CADM2: variants seen among roughly 807,000 people sequenced by gnomAD.
CADM2 encodes the protein cell adhesion molecule 2.
Under a neutral mutation model 49.8 loss-of-function variants are expected in CADM2, and 12 were observed. The observed-to-expected ratio is 0.24, with a 90% confidence interval of 0.15 to 0.39. The LOEUF (loss-of-function observed/expected upper bound fraction) is 0.39, where lower values mean the gene tolerates loss of function less well. Ranked by LOEUF, CADM2 falls within the 10% of genes least tolerant of loss-of-function variation. CADM2 has a pLI of 1.00. For missense variants in CADM2, 378 were observed against 492.3 expected (o/e 0.77, Z 2.20); for synonymous variants, 214 against 175.4 (o/e 1.22, Z -1.74).
chr3:85,368,684 A>G (rs538281878), intron 1 of CADM2, among the ~76,000 whole-genome samples: 1 of 152,174 alleles, frequency 6.6e-6, no homozygotes, highest in Admixed American at 6.5e-5. Flanking sequence ...AAATTACTGT[A>G]TGTCTCTCTT....
At chr3:85,998,152 G>A (rs909289980) in intron 8 of CADM2, among the ~76,000 whole-genome samples, 1 of 152,212 alleles carries the variant, frequency 6.6e-6, no homozygotes, top group Non-Finnish European at 1.5e-5. Context: ...TGGGGTAGCA[G>A]GGTTGGGGGT....
intron 1 of CADM2, among the ~76,000 whole-genome samples, chr3:85,020,950 C>G (rs1281598617): frequency 6.6e-6 from 1 of 151,612 alleles, no homozygotes; most frequent in African/African-American, 2.4e-5. Flanking sequence ...AATTTTTTCT[C>G]TTTAGAAACG....
intron 1 of CADM2, among the ~76,000 whole-genome samples, chr3:85,432,751 TTGTAA>T (rs2036739781): frequency 6.6e-6 from 1 of 152,168 alleles, no homozygotes; most frequent in Non-Finnish European, 1.5e-5. Flanking sequence ...CATTACATTC[TTGTAA>T]TGTACATTCT....
At chr3:85,028,218 A>G (rs1218363450) in intron 1 of CADM2, among the ~76,000 whole-genome samples, 1 of 152,178 alleles carries the variant, frequency 6.6e-6, no homozygotes, top group African/African-American at 2.4e-5. Flanking sequence ...TCATAGCTAC[A>G]CAATTGACAT....
intron 6 of CADM2, among the ~76,000 whole-genome samples, chr3:85,913,499 C>T (rs141505288): frequency 4.6e-5 from 7 of 152,176 alleles, no homozygotes; most frequent in African/African-American, 1.7e-4. Flanking sequence ...AAGTACTGTT[C>T]CAATATGTTT....
At chr3:85,903,084 A>G (rs373433151) in intron 5 of CADM2, among the ~76,000 whole-genome samples, 2 of 151,896 alleles carry the variant, frequency 1.3e-5, no homozygotes, top group Admixed American at 1.3e-4. Context: ...TCTACGAAAA[A>G]CTTACTTTTT....
chr3:85,946,500 A>C (rs1238631499), intron 7 of CADM2, among the ~76,000 whole-genome samples: 1 of 152,184 alleles, frequency 6.6e-6, no homozygotes, highest in Non-Finnish European at 1.5e-5. Context: ...GGCTGGAGGC[A>C]TCATGCTACT....
intron 1 of CADM2, among the ~76,000 whole-genome samples, chr3:85,394,842 T>A (rs1397081519): frequency 6.6e-6 from 1 of 152,178 alleles, no homozygotes; most frequent in Non-Finnish European, 1.5e-5. Context: ...GCTTTAAAGA[T>A]GCTTAGTGCA....
At chr3:86,017,214 G>C (rs1732386555) in intron 8 of CADM2, among the ~76,000 whole-genome samples, 1 of 149,526 alleles carries the variant, frequency 6.7e-6, no homozygotes, top group Non-Finnish European at 1.5e-5. Flanking sequence ...ATATAGATAT[G>C]AGGCAATATG....
intron 1 of CADM2, among the ~76,000 whole-genome samples, chr3:85,653,759 T>C (rs1435177938): frequency 1.3e-5 from 2 of 152,072 alleles, no homozygotes; most frequent in Non-Finnish European, 2.9e-5. Context: ...TGATTTTCAA[T>C]AGAGAAGCTG....
intron 1 of CADM2, among the ~76,000 whole-genome samples, chr3:85,002,367 C>T (rs1177645796): frequency 6.6e-6 from 1 of 152,008 alleles, no homozygotes; most frequent in East Asian, 1.9e-4. Flanking sequence ...TCTTTGTGAG[C>T]GACAGCAAAA....
chr3:85,890,824 G>T (rs1184016344), intron 5 of CADM2, among the ~76,000 whole-genome samples: 1 of 152,034 alleles, frequency 6.6e-6, no homozygotes, highest in African/African-American at 2.4e-5. Flanking sequence ...TGGGACAAAA[G>T]TAGGTGGTAG....
Position 85,484,238 on chromosome 3 carries a change from C to A in CADM2, c.62-242284C>A, listed in dbSNP as rs529089407. On this transcript the variant is annotated intron_variant, in intron 1 of 9. Transcript: ENST00000383699. ...TATTACCGTCCACCTAACAGTGATC[C>A]CAAAGGGACAATGATGTCAGCATTG... Among the ~76,000 whole-genome samples, 3 of 151,962 alleles carry A rather than the reference C, an allele frequency of 2.0e-5. No individual in the cohort carries two copies. In the South Asian group the frequency reaches 6.2e-4, roughly 32 times the overall value.
chr3:85,785,889 T>C (rs2070955022), intron 2 of CADM2, among the ~76,000 whole-genome samples: 1 of 152,138 alleles, frequency 6.6e-6, no homozygotes, highest in Non-Finnish European at 1.5e-5. Flanking sequence ...CTGCAGGCAC[T>C]TAGCCTAGTA....
intron 1 of CADM2, among the ~76,000 whole-genome samples, chr3:85,376,966 A>T (rs2033627700): frequency 6.6e-6 from 1 of 152,092 alleles, no homozygotes; most frequent in African/African-American, 2.4e-5. Flanking sequence ...TAAGTACTTC[A>T]CAACATTAAA....
chr3:85,781,714 A>C (rs1263150536), intron 2 of CADM2, among the ~76,000 whole-genome samples: 3 of 152,200 alleles, frequency 2.0e-5, no homozygotes, highest in Non-Finnish European at 4.4e-5. Flanking sequence ...CTTCTGTAGG[A>C]AATTAAATCT....
intron 3 of CADM2, among the ~76,000 whole-genome samples, chr3:85,860,856 G>T (rs894048148): frequency 6.6e-6 from 1 of 152,110 alleles, no homozygotes; most frequent in African/African-American, 2.4e-5. Flanking sequence ...AGCCGATTTT[G>T]TGGATTATCA....
chr3:85,462,063 C>T (rs943013142), intron 1 of CADM2, among the ~76,000 whole-genome samples: 9 of 152,080 alleles, frequency 5.9e-5, no homozygotes, highest in African/African-American at 2.2e-4. Flanking sequence ...CACTGTCTGA[C>T]AAAGTGATCC....
intron 1 of CADM2, among the ~76,000 whole-genome samples, chr3:85,657,729 G>C (rs1474178225): frequency 1.0e-5 from 1 of 99,602 alleles, no homozygotes; most frequent in Non-Finnish European, 2.1e-5. Context: ...TATATATACA[G>C]ATATATATAT....
Sources: allele counts gnomAD v4.1 joint callset (sites outside exome capture counted in the v4.1 genomes callset), GRCh38; gene constraint gnomAD v4.1.1; transcripts MANE v1.5; gene names NCBI Gene and HGNC (gene_info 2026-07-23, HGNC 2026-07-21).